The following LINGO2 variants were observed in gnomAD, a reference collection of about 807,000 sequenced individuals.
LINGO2 encodes the protein leucine-rich repeat and immunoglobulin-like domain-containing nogo receptor-interacting protein 2.
Under a neutral mutation model 30.6 loss-of-function variants are expected in LINGO2, and 14 were observed. The observed-to-expected ratio is 0.46, with a 90% CI of 0.30 to 0.72. LINGO2 has a LOEUF of 0.72. LINGO2 is among the 30% of genes least tolerant of loss of function. LINGO2 has a pLI of 0.07. For synonymous variants in LINGO2, 317 were observed against 288.5 expected, an observed-to-expected ratio of 1.10 and a Z score of -1.00; for missense variants, 729 against 751.7, an observed-to-expected ratio of 0.97 and a Z score of 0.35.
Position 28,147,537 on chromosome 9 carries a change from G to A in LINGO2, c.-86-135132C>T, listed in dbSNP as rs527843711. Among the ~76,000 whole-genome samples, 266 of 152,278 alleles carry A rather than the reference G, an allele frequency of 1.7e-3. 2 individuals are homozygous for A. The highest frequency in any genetic ancestry group is 6.0e-3 in the African/African-American group (248 of 41,576). The stretch of plus-strand genomic sequence containing the variant: ...TGGAGAGGCCCCGGGGGAGCCTGGC[G>A]GGATCTGGCTGGTCCTGTGCTCTGC... On this transcript the variant is annotated intron_variant, in intron 4 of 5. Coordinates refer to ENST00000379992, the Ensembl canonical transcript of LINGO2. The surrounding 1 kb of genome is among the most constrained non-coding windows in gnomAD (Gnocchi z 4.7).
intron 5 of LINGO2, among the ~76,000 whole-genome samples, chr9:28,009,617 C>T (rs1296730273): frequency 6.6e-6 from 1 of 152,040 alleles, no homozygotes; most frequent in African/African-American, 2.4e-5. Flanking sequence ...AAAAAATATT[C>T]AACATCATTA....
At chr9:28,360,680 C>G (rs371431379) in intron 3 of LINGO2, among the ~76,000 whole-genome samples, 5 of 152,236 alleles carry the variant, frequency 3.3e-5, no homozygotes, top group African/African-American at 1.2e-4. Context: ...ACATGCATGC[C>G]TATGATAATG....
chr9:29,100,250 G>A, the LINGO2 span, among the ~76,000 whole-genome samples: 12 of 151,432 alleles, frequency 7.9e-5, no homozygotes, highest in South Asian at 2.1e-4. Flanking sequence ...CTGTGTGAGA[G>A]GACACTACAC....
upstream of LINGO2, among the ~76,000 whole-genome samples, chr9:28,672,999 CTA>C (rs1358201823): frequency 6.6e-6 from 1 of 152,012 alleles, no homozygotes; most frequent in South Asian, 2.1e-4. Context: ...TAAAAGGAGA[CTA>C]TTTTTCTAAT....
chr9:28,655,654 C>T (rs1197689909), intron 1 of LINGO2, among the ~76,000 whole-genome samples: 1 of 151,964 alleles, frequency 6.6e-6, no homozygotes, highest in Non-Finnish European at 1.5e-5. Context: ...ATCATGGGGG[C>T]AGTTTCCTCC....
At chr9:28,576,548 A>G (rs1824001556) in intron 1 of LINGO2, among the ~76,000 whole-genome samples, 1 of 152,218 alleles carries the variant, frequency 6.6e-6, no homozygotes, top group Admixed American at 6.5e-5. Context: ...GAATGCAGAT[A>G]TTACTTAAAT....
At chr9:28,040,151 G>C (rs965192571) in intron 4 of LINGO2, among the ~76,000 whole-genome samples, 1 of 151,672 alleles carries the variant, frequency 6.6e-6, no homozygotes, top group African/African-American at 2.4e-5. Context: ...ACTAAATTTT[G>C]CCTTCTTTAT....
At chr9:28,154,462 T>C (rs887510585) in intron 4 of LINGO2, among the ~76,000 whole-genome samples, 1 of 152,172 alleles carries the variant, frequency 6.6e-6, no homozygotes, top group African/African-American at 2.4e-5. Context: ...CTTGGATACA[T>C]GCCTATGAGT....
chr9:28,375,415 C>G (rs996426460), intron 2 of LINGO2, among the ~76,000 whole-genome samples: 1 of 148,324 alleles, frequency 6.7e-6, no homozygotes, highest in Non-Finnish European at 1.5e-5. Flanking sequence ...GCCTTATATG[C>G]CTGCAGGGCC....
At chr9:28,865,310 G>A in the LINGO2 span, among the ~76,000 whole-genome samples, 3 of 152,092 alleles carry the variant, frequency 2.0e-5, no homozygotes, top group Non-Finnish European at 4.4e-5. Context: ...CAACCTGTCT[G>A]AAATATGGGC....
intron 4 of LINGO2, among the ~76,000 whole-genome samples, chr9:28,013,117 A>G (rs1822642952): frequency 6.6e-6 from 1 of 152,184 alleles, no homozygotes; most frequent in African/African-American, 2.4e-5. Context: ...AGCATAGGGT[A>G]CCCGAGTGTA....
At chr9:28,975,646 T>A in the LINGO2 span, among the ~76,000 whole-genome samples, 1 of 152,212 alleles carries the variant, frequency 6.6e-6, no homozygotes, top group Non-Finnish European at 1.5e-5. Context: ...TAATGGGTCT[T>A]AATATTCTAT....
chr9:29,118,886 C>T, the LINGO2 span, among the ~76,000 whole-genome samples: 1 of 152,168 alleles, frequency 6.6e-6, no homozygotes, highest in African/African-American at 2.4e-5. Context: ...CATACCCATC[C>T]ATGCCCCAGT....
intron 4 of LINGO2, among the ~76,000 whole-genome samples, chr9:28,251,773 A>G (rs1190460828): frequency 3.3e-5 from 5 of 152,190 alleles, no homozygotes; most frequent in Admixed American, 6.6e-5. Flanking sequence ...TAGAATTCAG[A>G]GTGAAAAAAA....
At chr9:28,220,903 G>A (rs970325053) in intron 4 of LINGO2, among the ~76,000 whole-genome samples, 1 of 152,122 alleles carries the variant, frequency 6.6e-6, no homozygotes, top group African/African-American at 2.4e-5. Flanking sequence ...GTCAAATAAA[G>A]ATGTCAATCA....
At chr9:28,349,470 G>A (rs1469768692) in intron 3 of LINGO2, among the ~76,000 whole-genome samples, 8 of 103,934 alleles carry the variant, frequency 7.7e-5, no homozygotes, top group African/African-American at 3.1e-4. Context: ...AAAGAAATGA[G>A]CAAAGCCTCC....
intron 4 of LINGO2, among the ~76,000 whole-genome samples, chr9:28,070,260 A>C (rs1380001998): frequency 6.6e-6 from 1 of 152,024 alleles, no homozygotes; most frequent in Non-Finnish European, 1.5e-5. Flanking sequence ...ACAAGTCATC[A>C]TGAAGACAGT....
chr9:29,213,298 C>G, the LINGO2 span, among the ~76,000 whole-genome samples: 1 of 152,208 alleles, frequency 6.6e-6, no homozygotes, highest in South Asian at 2.1e-4. Context: ...CCCCTCCCCC[C>G]TTTCTCCCCT....
intron 4 of LINGO2, among the ~76,000 whole-genome samples, chr9:28,043,201 G>A (rs16912396): frequency 0.059 from 8,954 of 152,104 alleles, 391 homozygotes; most frequent in East Asian, 0.1. Context: ...TCAAATTTCC[G>A]TCCTGCCTGG....
Sources: allele counts gnomAD v4.1 joint callset (sites outside exome capture counted in the v4.1 genomes callset), GRCh38; gene constraint gnomAD v4.1.1; non-coding constraint Gnocchi (gnomAD v3.1); transcripts MANE v1.5; gene names NCBI Gene and HGNC (gene_info 2026-07-23, HGNC 2026-07-21).